Variants in ZNRF3 observed in about 807,000 individuals in gnomAD.
ZNRF3 encodes E3 ubiquitin-protein ligase ZNRF3.
ZNRF3 carries 23 observed loss-of-function variants against 72.5 expected under a neutral mutation model. The observed-to-expected ratio is 0.32, with a 90% CI of 0.23 to 0.45. The LOEUF is 0.45. ZNRF3 is among the 20% of genes least tolerant of loss of function. The pLI, the probability that ZNRF3 is intolerant of heterozygous loss-of-function variation, is 1.00. For missense variants in ZNRF3, 1,169 were observed against 1,272.1 expected (o/e 0.92, Z 1.23); for synonymous variants, 610 against 545.3 (o/e 1.12, Z -1.65).
At chr22:28,935,645 G>A (rs1008393537) in intron 1 of ZNRF3, among the ~76,000 whole-genome samples, 1 of 152,184 alleles carries the variant, frequency 6.6e-6, no homozygotes, top group Non-Finnish European at 1.5e-5. Context: ...AGCCACCTTG[G>A]ATCAGCCTGC....
chr22:29,019,703 A>G (rs540192415), intron 2 of ZNRF3, among the ~76,000 whole-genome samples: 3 of 152,240 alleles, frequency 2.0e-5, no homozygotes, highest in African/African-American at 7.2e-5. Flanking sequence ...ATGTACCCAA[A>G]CTACACCAAG....
chr22:28,904,171 C>T (rs1453694798), intron 1 of ZNRF3, among the ~76,000 whole-genome samples: 1 of 152,214 alleles, frequency 6.6e-6, no homozygotes, highest in Non-Finnish European at 1.5e-5. Flanking sequence ...CACTCGGCCT[C>T]TGTCTTTAAG....
chr22:28,966,654 G>GA (rs1201273471), intron 1 of ZNRF3, among the ~76,000 whole-genome samples: 5 of 151,772 alleles, frequency 3.3e-5, no homozygotes, highest in Non-Finnish European at 7.4e-5. Flanking sequence ...AGTTTTGATA[G>GA]AAAAAAGCTT....
intron 6 of ZNRF3, among the ~76,000 whole-genome samples, chr22:29,047,204 C>A (rs1411649772): frequency 6.6e-6 from 1 of 152,160 alleles, no homozygotes; most frequent in African/African-American, 2.4e-5. Context: ...CTGCAGTGAG[C>A]TATTATTACA....
At chr22:29,026,659 A>T (rs1318354269) in intron 2 of ZNRF3, 1 of 152,224 alleles carries the variant, frequency 6.6e-6, no homozygotes, top group Non-Finnish European at 1.5e-5. Flanking sequence ...CCCAAAAGTC[A>T]GGAGGACTTC....
At chr22:28,909,443 T>A (rs1288052421) in intron 1 of ZNRF3, among the ~76,000 whole-genome samples, 1 of 152,124 alleles carries the variant, frequency 6.6e-6, no homozygotes, top group Non-Finnish European at 1.5e-5. Flanking sequence ...TGGTATTTTT[T>A]TTTTTCTCAG....
At chr22:29,023,168 AT>A (rs1360666739) in intron 2 of ZNRF3, among the ~76,000 whole-genome samples, 2 of 152,220 alleles carry the variant, frequency 1.3e-5, no homozygotes, top group Non-Finnish European at 2.9e-5. Flanking sequence ...GATTAAAGTT[AT>A]TATTGAGAAA....
chr22:28,931,393 A>G (rs1021525329), intron 1 of ZNRF3, among the ~76,000 whole-genome samples: 2 of 152,160 alleles, frequency 1.3e-5, no homozygotes, highest in African/African-American at 4.8e-5. Context: ...TGGGCCCCCA[A>G]AGAAGCTAGA....
intron 1 of ZNRF3, among the ~76,000 whole-genome samples, chr22:28,955,182 A>G (rs1226661041): frequency 6.6e-6 from 1 of 151,468 alleles, no homozygotes; most frequent in East Asian, 1.9e-4. Flanking sequence ...CTGGGTCTAC[A>G]GGCACGTGCC....
chr22:28,898,937 T>TC (rs2123750671), intron 1 of ZNRF3, among the ~76,000 whole-genome samples: 1 of 148,966 alleles, frequency 6.7e-6, no homozygotes, highest in East Asian at 1.9e-4. Flanking sequence ...TTTTTTTTTT[T>TC]TTTTTTTTTT....
At chr22:28,982,316 G>C (rs575512138) in intron 1 of ZNRF3, among the ~76,000 whole-genome samples, 7 of 151,698 alleles carry the variant, frequency 4.6e-5, no homozygotes, top group Non-Finnish European at 1.0e-4. Flanking sequence ...TGTGTAAACC[G>C]GTCAGGTGCA....
intron 2 of ZNRF3, among the ~76,000 whole-genome samples, chr22:29,011,428 A>G (rs2036345353): frequency 6.6e-6 from 1 of 152,256 alleles, no homozygotes; most frequent in Non-Finnish European, 1.5e-5. Flanking sequence ...CGGCTGGCCG[A>G]ACTCCAGGAT....
chr22:28,930,781 A>C (rs923324756), intron 1 of ZNRF3, among the ~76,000 whole-genome samples: 1 of 152,212 alleles, frequency 6.6e-6, no homozygotes, highest in Non-Finnish European at 1.5e-5. Flanking sequence ...CTTGAGCCTC[A>C]CAGTAAGAGA....
intron 1 of ZNRF3, among the ~76,000 whole-genome samples, chr22:28,937,206 TATATATA>T (rs1454706586): frequency 0.014 from 72 of 5,122 alleles, no homozygotes; most frequent in Admixed American, 0.019. Context: ...TATATATATA[TATATATA>T]TATTTTTTTT....
At chr22:29,045,435 A>G (rs1569294498) in intron 5 of ZNRF3, among the ~76,000 whole-genome samples, 1 of 151,804 alleles carries the variant, frequency 6.6e-6, no homozygotes, top group Non-Finnish European at 1.5e-5. Context: ...CTAGTCCTAC[A>G]AAGGTTAAGC....
chr22:28,987,873 A>C (rs914207526), intron 2 of ZNRF3, among the ~76,000 whole-genome samples: 1 of 151,968 alleles, frequency 6.6e-6, no homozygotes, highest in Non-Finnish European at 1.5e-5. Flanking sequence ...AACTTACCTC[A>C]TAGGTGGTTA....
intron 2 of ZNRF3, among the ~76,000 whole-genome samples, chr22:29,035,415 A>AGCT (rs1481639028): frequency 2.0e-5 from 3 of 152,214 alleles, no homozygotes; most frequent in Non-Finnish European, 2.9e-5. Flanking sequence ...TCATTAAAGG[A>AGCT]GCTCTGAATA....
chr22:29,046,635 T>G lies in ZNRF3; in HGVS notation c.745-81T>G, dbSNP rs906291583. The stretch of plus-strand genomic sequence containing the variant: ...ATAGAGAATTGTCTGCCTGTCCCAG[T>G]GAATCGTGTGTCATGTCCCTGGGGT... On this transcript the variant is annotated intron_variant, in intron 5 of 8. Transcript: ENST00000544604. The G allele has an allele frequency of 1.1e-5, 15 of 1,374,322 alleles. No individual in the cohort carries two copies. The African/African-American group carries it at 2.1e-4, about 19-fold the overall frequency. The allele number at this position is 1,374,322 out of a possible 1,614,324, so 85.1% of individuals were successfully genotyped here. A position where few individuals can be genotyped will look rare whatever the true frequency, so the allele number is the denominator to read the frequency against.
At chr22:28,891,802 T>C (rs575767057) in intron 1 of ZNRF3, among the ~76,000 whole-genome samples, 31 of 152,322 alleles carry the variant, frequency 2.0e-4, no homozygotes, top group Admixed American at 1.4e-3. Flanking sequence ...CTCACAAAGA[T>C]GTATTTCCTT....
Sources: gnomAD v4.1 joint callset for allele counts (sites outside exome capture counted in the v4.1 genomes callset) on GRCh38, gnomAD v4.1.1 for gene constraint, MANE v1.5 for transcripts, NCBI Gene and HGNC (gene_info 2026-07-23, HGNC 2026-07-21) for gene names.